Variants in GLT1D1 observed in about 807,000 individuals in gnomAD.
GLT1D1 encodes glycosyltransferase 1 domain-containing protein 1.
Under a neutral mutation model 28.7 loss-of-function variants are expected in GLT1D1, and 21 were observed. The observed-to-expected ratio is 0.73, with a 90% CI of 0.52 to 1.05. GLT1D1 has a LOEUF of 1.05. GLT1D1 is among the 50% of genes least tolerant of loss of function. The pLI is 0.00. For synonymous variants in GLT1D1, 147 were observed against 124.8 expected, an observed-to-expected ratio of 1.18 and a Z score of -1.19; for missense variants, 343 against 330.6, an observed-to-expected ratio of 1.04 and a Z score of -0.29.
At chr12:128,916,675 C>G (rs953653134) in intron 4 of GLT1D1, among the ~76,000 whole-genome samples, 1 of 152,068 alleles carries the variant, frequency 6.6e-6, no homozygotes, top group African/African-American at 2.4e-5. Context: ...GAGTGTCTAG[C>G]CAATTGTGTG....
chr12:128,940,836 G>A (rs1875137673), intron 4 of GLT1D1, among the ~76,000 whole-genome samples: 1 of 152,176 alleles, frequency 6.6e-6, no homozygotes, highest in Non-Finnish European at 1.5e-5. Context: ...CCATTTTAGA[G>A]GGTACAAGCC....
rs148507335 is a variant in GLT1D1 at position 128,935,040 on chromosome 12, C to T, written c.376-10286C>T. ...GGAAGAGGGCACTGAATTGTCCCCG[C>T]CTGGGTCATAGCCCACCCTTTTGTG... On this transcript the variant is annotated intron_variant, in intron 4 of 7. Transcript: ENST00000281703. 5.3e-3 allele frequency among the ~76,000 whole-genome samples: 807 copies of T among 152,202 alleles called. 8 individuals are homozygous for T. Among genetic ancestry groups the T allele is most frequent in the African/African-American group, 0.019 (772 of 41,552 alleles).
rs1382976941 is a variant in GLT1D1, at chr12:128,853,641, G to A, written c.60G>A (p.Gln20=). The A allele has an allele frequency of 1.7e-6, 2 of 1,167,934 alleles. No homozygotes were observed. The highest frequency in any genetic ancestry group is 5.7e-5 in the East Asian group (1 of 17,468). The allele number at this position is 1,167,934 out of a possible 1,614,324, so 72.3% of individuals were successfully genotyped here. Reference sequence around the variant, plus strand: ...ACACCGGCAACGCGGTCACGGCCCAGCGCGTTCGGTAGGTGCAGGGCGCCG... The same window carrying A: ...ACACCGGCAACGCGGTCACGGCCCAACGCGTTCGGTAGGTGCAGGGCGCCG... The change falls in exon 1 of 8, where the codon CAG becomes CAA. Residue 20 remains glutamine (Q), a synonymous_variant. Transcript: ENST00000281703.
At chr12:128,953,248 T>C (rs1203587610) in intron 6 of GLT1D1, among the ~76,000 whole-genome samples, 1 of 152,232 alleles carries the variant, frequency 6.6e-6, no homozygotes, top group Non-Finnish European at 1.5e-5. Flanking sequence ...CTATCAGATA[T>C]TTATTTCCTA....
chr12:128,855,345 T>C (rs544796236), intron 1 of GLT1D1, among the ~76,000 whole-genome samples: 1 of 151,916 alleles, frequency 6.6e-6, no homozygotes, highest in Admixed American at 6.6e-5. Context: ...GAGGATTGCT[T>C]GAGCCCAGGA....
intron 4 of GLT1D1, among the ~76,000 whole-genome samples, chr12:128,941,801 G>A (rs746063021): frequency 7.3e-5 from 11 of 150,248 alleles, no homozygotes; most frequent in Admixed American, 1.3e-4. Flanking sequence ...GGCGGGTCTC[G>A]AACTCTTGAT....
At chr12:128,947,518 C>A (rs187623783) in intron 6 of GLT1D1, 60 bp downstream of exon 10, 658 of 1,586,176 alleles carry the variant, frequency 4.1e-4, no homozygotes, top group Non-Finnish European at 4.5e-4. Context: ...ACTCCTTCTC[C>A]TATTTACGGA....
rs182213439 is a variant in GLT1D1 at position 128,863,772 on chromosome 12, C to T, written c.68+10123C>T. ...TTCACTGGCTAACGCAGTGAAACCC[C>T]GTCTCTACTAAAAATACAAAAAAAG... On this transcript the variant is annotated intron_variant, in intron 1 of 7. Coordinates refer to ENST00000281703, the MANE Select transcript of GLT1D1 (RefSeq NM_144669.3). Among the ~76,000 whole-genome samples, 296 of 151,726 alleles carry T rather than the reference C, an allele frequency of 2.0e-3. 2 individuals are homozygous for T. The highest frequency in any genetic ancestry group is 5.2e-3 in the South Asian group (25 of 4,798).
At chr12:128,915,241 T>C (rs1871988260) in intron 4 of GLT1D1, among the ~76,000 whole-genome samples, 1 of 152,226 alleles carries the variant, frequency 6.6e-6, no homozygotes, top group Admixed American at 6.5e-5. Flanking sequence ...TCAGTATCAT[T>C]TCCTGTGACA....
intron 4 of GLT1D1, among the ~76,000 whole-genome samples, chr12:128,910,424 A>G (rs1871389774): frequency 6.6e-6 from 1 of 152,124 alleles, no homozygotes; most frequent in Non-Finnish European, 1.5e-5. Flanking sequence ...ATTATGCTGA[A>G]TCTGTTATTG....
At chr12:128,904,936 T>A (rs1383222425) in intron 4 of GLT1D1, among the ~76,000 whole-genome samples, 1 of 152,064 alleles carries the variant, frequency 6.6e-6, no homozygotes, top group Non-Finnish European at 1.5e-5. Flanking sequence ...GCCTGGCTAA[T>A]TTTTGTATTT....
chr12:128,864,243 A>G (rs1956460122), intron 1 of GLT1D1: 1 of 557,158 alleles, frequency 1.8e-6, no homozygotes, highest in Non-Finnish European at 3.2e-6. Flanking sequence ...TCCGGGCTGA[A>G]GATGAGAAGC....
At chr12:128,913,509 C>T (rs569739987) in intron 4 of GLT1D1, among the ~76,000 whole-genome samples, 1 of 152,312 alleles carries the variant, frequency 6.6e-6, no homozygotes, top group Non-Finnish European at 1.5e-5. Context: ...GTGTGAGCCA[C>T]CGTGCCCGGC....
At chr12:128,972,237 C>A (rs1879252171) in intron 7 of GLT1D1, among the ~76,000 whole-genome samples, 1 of 152,236 alleles carries the variant, frequency 6.6e-6, no homozygotes, top group South Asian at 2.1e-4. Context: ...GAGGCCAGAG[C>A]TGGTTGTTTT....
intron 4 of GLT1D1, among the ~76,000 whole-genome samples, chr12:128,937,979 G>T (rs1379577305): frequency 6.6e-6 from 1 of 152,180 alleles, no homozygotes; most frequent in Non-Finnish European, 1.5e-5. Context: ...GGGTATAGTG[G>T]ATAAATTAAT....
intron 4 of GLT1D1, among the ~76,000 whole-genome samples, chr12:128,929,963 A>G (rs997851207): frequency 4.0e-5 from 6 of 151,142 alleles, no homozygotes; most frequent in African/African-American, 1.5e-4. Context: ...GTGACAGAGC[A>G]AGATTCTGTT....
At chr12:128,889,507 CA>C (rs1868790535) in intron 3 of GLT1D1, among the ~76,000 whole-genome samples, 1 of 152,192 alleles carries the variant, frequency 6.6e-6, no homozygotes, top group Non-Finnish European at 1.5e-5. Flanking sequence ...CAGCAGCCTC[CA>C]GGTACCACAA....
chr12:128,932,675 T>C (rs7311023), intron 4 of GLT1D1, among the ~76,000 whole-genome samples: 11,881 of 152,176 alleles, frequency 0.078, 480 homozygotes, highest in East Asian at 0.15. Context: ...CGAGCTGTCC[T>C]GGGATTTGCT....
At chr12:128,908,059 G>A (rs1391535042) in intron 4 of GLT1D1, among the ~76,000 whole-genome samples, 4 of 152,160 alleles carry the variant, frequency 2.6e-5, no homozygotes, top group African/African-American at 7.2e-5. Flanking sequence ...TTTGTGAAGG[G>A]TCACGGGTTG....
Sources: allele counts gnomAD v4.1 joint callset (sites outside exome capture counted in the v4.1 genomes callset), GRCh38; gene constraint gnomAD v4.1.1; transcripts MANE v1.5; gene names NCBI Gene and HGNC (gene_info 2026-07-23, HGNC 2026-07-21).